The following PADI6 variants were observed in gnomAD, a reference collection of about 807,000 sequenced individuals.
PADI6 encodes the protein peptidyl arginine deiminase 6.
In PADI6, 66 loss-of-function variants were observed where a neutral mutation model predicts 78.2. The ratio of observed to expected loss-of-function variants is 0.84; its 90% CI spans 0.69 to 1.04. The LOEUF is 1.04. Among genes scored for constraint, PADI6 ranks in the 50% least tolerant of loss-of-function variants. The probability of loss-of-function intolerance (pLI) is 0.00; values close to 1 mark genes in which losing one functional copy is unlikely to be tolerated. For synonymous variants in PADI6, 397 were observed against 346.9 expected, an observed-to-expected ratio of 1.14 and a Z score of -1.60; for missense variants, 854 against 866.1, an observed-to-expected ratio of 0.99 and a Z score of 0.18.
intron 6 of PADI6, among the ~76,000 whole-genome samples, chr1:17,382,946 A>G (rs1361972444): frequency 6.6e-6 from 1 of 152,114 alleles, no homozygotes; most frequent in African/African-American, 2.4e-5. Flanking sequence ...GTGTGCCACA[A>G]CTGGCTAATT....
intron 15 of PADI6, among the ~76,000 whole-genome samples, chr1:17,400,834 G>A (rs745525812): frequency 4.9e-4 from 74 of 152,132 alleles, no homozygotes; most frequent in Non-Finnish European, 5.6e-4. Context: ...GGTGAGTAAC[G>A]GTAAGAAGCT....
intron 15 of PADI6, 101 bp from the exon 16 acceptor site, chr1:17,401,104 C>G: frequency 9.2e-7 from 1 of 1,088,988 alleles, no homozygotes; most frequent in Non-Finnish European, 1.3e-6. Context: ...AGGCGGCTGC[C>G]TGCCTGCTAC....
At chr1:17,400,833 C>CG (rs2075294860) in intron 15 of PADI6, among the ~76,000 whole-genome samples, 1 of 152,030 alleles carries the variant, frequency 6.6e-6, no homozygotes, top group Non-Finnish European at 1.5e-5. Flanking sequence ...GGGTGAGTAA[C>CG]GGTAAGAAGC....
intron 14 of PADI6, among the ~76,000 whole-genome samples, chr1:17,397,414 G>A (rs1040103049): frequency 6.6e-6 from 1 of 152,182 alleles, no homozygotes; most frequent in African/African-American, 2.4e-5. Context: ...CTGGAAGTGG[G>A]TAACACAGCT....
chr1:17,382,032 C>T lies in PADI6; in HGVS notation c.619C>T (p.Arg207Trp), dbSNP rs372730011. 1.1e-4 allele frequency: 173 copies of T among 1,613,744 alleles called. No individual in the cohort carries two copies. The highest frequency in any genetic ancestry group is 5.1e-4 in the African/African-American group (38 of 74,912). ...QGPSCILKKY[R>W]LVLHTSKEES... is the part of the protein sequence containing the mutation. ...CCCCAGCTGTATCTTAAAGAAATAT[C>T]GGCTAGTCCTCCATACCTCCAAGGA... Residue 207 changes from arginine to tryptophan, a missense_variant, in exon 6 of 16, where the codon CGG (arginine) becomes TGG (tryptophan). Coordinates refer to ENST00000619609, the MANE Select transcript of PADI6 (RefSeq NM_207421.4).
chr1:17,384,092 G>A (rs867632150), intron 6 of PADI6, among the ~76,000 whole-genome samples: 11 of 151,748 alleles, frequency 7.2e-5, no homozygotes, highest in Non-Finnish European at 4.4e-5. Flanking sequence ...GCAGTGAGCC[G>A]ACGTTGCACC....
intron 8 of PADI6, among the ~76,000 whole-genome samples, chr1:17,390,287 G>A (rs1381684937): frequency 6.6e-6 from 1 of 151,526 alleles, no homozygotes; most frequent in African/African-American, 2.4e-5. Flanking sequence ...GGAAACAAGA[G>A]CGAAACTGTC....
At chr1:17,391,934 A>G (rs1264223489) in intron 8 of PADI6, among the ~76,000 whole-genome samples, 180 bp from the exon 9 acceptor site, 2 of 152,240 alleles carry the variant, frequency 1.3e-5, no homozygotes, top group African/African-American at 4.8e-5. Context: ...GTCAGACAAG[A>G]TGGGCTCTGA....
chr1:17,393,108 T>G (rs1217788221), intron 9 of PADI6, among the ~76,000 whole-genome samples: 1 of 151,926 alleles, frequency 6.6e-6, no homozygotes, highest in Non-Finnish European at 1.5e-5. Context: ...ATCACGCCAC[T>G]ACACTCCAGC....
intron 8 of PADI6, 72 bp from the exon 9 acceptor site, chr1:17,392,042 T>C: frequency 7.8e-7 from 1 of 1,281,600 alleles, no homozygotes; most frequent in Non-Finnish European, 1.1e-6. Context: ...CTTCCTCTCT[T>C]GGCACAAGGA....
In PADI6 at chr1:17,376,539, T is replaced by TTTTTTTTATTTTTAGTGGGCTAA. The variant is rs1378686301; in HGVS notation, c.367+1047_367+1048insATTTTTAGTGGGCTAATTTTTTT. On this transcript the variant is annotated intron_variant, in intron 3 of 15. Coordinates refer to ENST00000619609, the MANE Select transcript of PADI6 (RefSeq NM_207421.4). Reference sequence around the variant, plus strand: ...AATTTTTTTTATTTTTAGTGGGCTATTTTTTTTGTATTTTTAGTGGGCTAA... The same window carrying TTTTTTTTATTTTTAGTGGGCTAA: ...AATTTTTTTTATTTTTAGTGGGCTATTTTTTTTATTTTTAGTGGGCTAATTTTTTTGTATTTTTAGTGGGCTAA... Among the ~76,000 whole-genome samples, 1,312 of 150,768 alleles carry TTTTTTTTATTTTTAGTGGGCTAA rather than the reference T, an allele frequency of 8.7e-3. 76 individuals are homozygous for TTTTTTTTATTTTTAGTGGGCTAA. The highest frequency in any genetic ancestry group is 0.012 in the Non-Finnish European group (816 of 67,678).
Position 17,381,898 on chromosome 1 carries a change from G to A in PADI6, c.554-69G>A, listed in dbSNP as rs1460342193. On this transcript the variant is annotated intron_variant, in intron 5 of 15. Coordinates refer to ENST00000619609, the MANE Select transcript of PADI6 (RefSeq NM_207421.4). ...TTCAAACTCCCGGCCCCTCTCTACTGCTCTTCCCTCCACCCCCAGAGTGCT... is the reference window on the plus strand; with the variant it reads ...TTCAAACTCCCGGCCCCTCTCTACTACTCTTCCCTCCACCCCCAGAGTGCT... 15 of 1,592,242 alleles carry A rather than the reference G, an allele frequency of 9.4e-6. No individual in the cohort carries two copies. The East Asian group carries it at 2.9e-4, about 31-fold the overall frequency.
chr1:17,389,209 G>T (rs191420966), intron 8 of PADI6, among the ~76,000 whole-genome samples: 1 of 152,198 alleles, frequency 6.6e-6, no homozygotes, highest in Non-Finnish European at 1.5e-5. Context: ...AAGCTCCTAC[G>T]GAGCCAGAGA....
chr1:17,390,913 G>T (rs1337380011), intron 8 of PADI6, among the ~76,000 whole-genome samples: 3 of 152,192 alleles, frequency 2.0e-5, no homozygotes, highest in African/African-American at 7.2e-5. Context: ...ACCCCATATA[G>T]CTGCATATGA....
intron 12 of PADI6, 25 bp downstream of exon 12, chr1:17,395,132 G>GAC (rs775948732): frequency 6.2e-7 from 1 of 1,605,772 alleles, no homozygotes; most frequent in South Asian, 1.1e-5. Context: ...CTGGAGAAGG[G>GAC]ACATCTGACC....
intron 6 of PADI6, among the ~76,000 whole-genome samples, chr1:17,387,776 C>A (rs2075136065): frequency 6.6e-6 from 1 of 152,136 alleles, no homozygotes; most frequent in African/African-American, 2.4e-5. Flanking sequence ...ATCTAATTAG[C>A]AAACGGACAA....
chr1:17,389,294 G>A (rs1298528371), intron 8 of PADI6, among the ~76,000 whole-genome samples: 2 of 152,156 alleles, frequency 1.3e-5, no homozygotes, highest in African/African-American at 4.8e-5. Flanking sequence ...TGGGTGTTAC[G>A]GTGAGGTAGC....
At chr1:17,383,877 C>A (rs1055813497) in intron 6 of PADI6, among the ~76,000 whole-genome samples, 2 of 149,598 alleles carry the variant, frequency 1.3e-5, no homozygotes, top group East Asian at 4.0e-4. Flanking sequence ...GGGCTGAGCA[C>A]GGGGCTTATG....
chr1:17,381,268 C>A (rs889489846), intron 5 of PADI6, 104 bp downstream of exon 5: 8 of 893,116 alleles, frequency 9.0e-6, no homozygotes, highest in African/African-American at 1.7e-5. Context: ...CCCCCGACAC[C>A]CTCTTCCCCA....
Sources: gnomAD v4.1 joint callset for allele counts (sites outside exome capture counted in the v4.1 genomes callset) on GRCh38, gnomAD v4.1.1 for gene constraint, MANE v1.5 for transcripts, NCBI Gene and HGNC (gene_info 2026-07-23, HGNC 2026-07-21) for gene names.